PADI3: variants seen among roughly 807,000 people sequenced by gnomAD.
PADI3 encodes the protein protein-arginine deiminase type-3.
In PADI3, 53 loss-of-function variants were observed where a neutral mutation model predicts 71.5. The observed-to-expected ratio is 0.74, with a 90% CI of 0.59 to 0.93. PADI3 has a LOEUF of 0.93. Ranked by LOEUF, PADI3 falls within the 40% of genes least tolerant of loss-of-function variation. PADI3 has a pLI of 0.00. For synonymous variants in PADI3, 361 were observed against 347.5 expected, an observed-to-expected ratio of 1.04 and a Z score of -0.43; for missense variants, 821 against 868.0, an observed-to-expected ratio of 0.95 and a Z score of 0.68.
In PADI3 at chr1:17,266,710, CA is replaced by C. The variant is rs1439915118; in HGVS notation, c.409-8del. 6.2e-7 allele frequency: 1 copy of C among 1,611,204 alleles called. No individual in the cohort carries two copies. The highest frequency in any genetic ancestry group is 8.5e-7 in the Non-Finnish European group (1 of 1,177,470). ...GCCCTCATCACTGGCTATGTTTTGT[CA>C]TTGGCAGCGGCAGTGGGTCTGGGGG... On this transcript the variant is annotated splice_region_variant and splice_polypyrimidine_tract_variant and intron_variant, in intron 4 of 15. Coordinates refer to ENST00000375460, the MANE Select transcript of PADI3 (RefSeq NM_016233.2).
At chr1:17,280,517 C>A in intron 14 of PADI3, 88 bp downstream of exon 14, 1 of 1,484,972 alleles carries the variant, frequency 6.7e-7, no homozygotes, top group Non-Finnish European at 9.4e-7. Context: ...CTGAGGCTAA[C>A]TGTTCATGAA....
chr1:17,267,090 A>C (rs865848648), intron 5 of PADI3, among the ~76,000 whole-genome samples: 1 of 152,272 alleles, frequency 6.6e-6, no homozygotes, highest in Middle Eastern at 3.4e-3. Context: ...CTCTTCCTCC[A>C]GGGGAGCAGA....
At position 17,283,355 on chromosome 1, in the gene PADI3, T is replaced by C. The variant is rs139600205; in HGVS notation, c.*276T>C. 25 of 403,524 alleles carry C rather than the reference T, an allele frequency of 6.2e-5. No individual in the cohort carries two copies. Among genetic ancestry groups the C allele is most frequent in the African/African-American group, 4.8e-4 (24 of 49,656 alleles). The allele number at this position is 403,524 out of a possible 1,614,324, so 25.0% of individuals were successfully genotyped here. A position where few individuals can be genotyped will look rare whatever the true frequency, so the allele number is the denominator to read the frequency against. On this transcript the variant is annotated 3_prime_UTR_variant, in exon 16 of 16. Coordinates refer to ENST00000375460, the MANE Select transcript of PADI3 (RefSeq NM_016233.2). ...TGATTCAACACAACCCATGGAGATGTCCCCTTCTCACTCTGAAATCATCCA... is the reference window on the plus strand; with the variant it reads ...TGATTCAACACAACCCATGGAGATGCCCCCTTCTCACTCTGAAATCATCCA...
chr1:17,249,388 T>C (rs964557003), intron 1 of PADI3, among the ~76,000 whole-genome samples, 159 bp downstream of exon 1: 5 of 152,164 alleles, frequency 3.3e-5, no homozygotes, highest in African/African-American at 9.7e-5. Flanking sequence ...CTTGCTCTAC[T>C]GAGTTTCCTG....
intron 6 of PADI3, among the ~76,000 whole-genome samples, chr1:17,269,149 T>C (rs2073211873): frequency 6.6e-6 from 1 of 151,974 alleles, no homozygotes; most frequent in Non-Finnish European, 1.5e-5. Flanking sequence ...CCTCTCAAAG[T>C]ACTAGGATTA....
intron 1 of PADI3, among the ~76,000 whole-genome samples, chr1:17,252,612 C>G (rs762158427): frequency 1.3e-5 from 2 of 152,058 alleles, no homozygotes; most frequent in Non-Finnish European, 2.9e-5. Flanking sequence ...CCATGTTGCC[C>G]GGGCTGGTCT....
chr1:17,282,318 C>A (rs1455908547), intron 15 of PADI3, among the ~76,000 whole-genome samples: 1 of 152,152 alleles, frequency 6.6e-6, no homozygotes, highest in Non-Finnish European at 1.5e-5. Flanking sequence ...ATCATTCATT[C>A]TCTCTCTTTC....
intron 1 of PADI3, among the ~76,000 whole-genome samples, chr1:17,253,225 C>T (rs371851971): frequency 6.6e-6 from 1 of 152,160 alleles, no homozygotes; most frequent in South Asian, 2.1e-4. Flanking sequence ...CTAAGGGCCC[C>T]AGAGCTCCAG....
At chr1:17,252,587 A>G (rs888111971) in intron 1 of PADI3, among the ~76,000 whole-genome samples, 1 of 151,972 alleles carries the variant, frequency 6.6e-6, no homozygotes, top group Non-Finnish European at 1.5e-5. Context: ...CATGTTTTGT[A>G]GAGATGGGGT....
rs753698907 is a variant in PADI3, at chr1:17,267,939, G to T, written c.629G>T (p.Arg210Leu). 1.2e-6 allele frequency: 2 copies of T among 1,614,038 alleles called. No homozygotes were observed. Among genetic ancestry groups the T allele is most frequent in the African/African-American group, 2.7e-5 (2 of 74,948 alleles). Residue 210 changes from arginine to leucine, a missense_variant, in exon 6 of 16, where the codon CGG becomes CTG. Arg to Leu is a moderately radical substitution (Grantham distance 102). Coordinates refer to ENST00000375460, the MANE Select transcript of PADI3 (RefSeq NM_016233.2). ...CATACCTCCAGCTATGATGCCAAAC[G>T]GGCACAGGTCTTCCACATCTGCGGT... ...VLHTSSYDAK[R>L]AQVFHICGPE...
intron 3 of PADI3, 124 bp downstream of exon 3, chr1:17,262,329 A>C: frequency 1.5e-6 from 1 of 662,912 alleles, no homozygotes. Flanking sequence ...AGTTCCCCAA[A>C]CCCAGCATTT....
chr1:17,276,559 C>G lies in PADI3; in HGVS notation c.1348C>G (p.Leu450Val). Residue 450 changes from leucine to valine, a missense_variant, in exon 12 of 16, where the codon CTC becomes GTC. Physicochemically the swap from Leu to Val is conservative, Grantham distance 32. Coordinates refer to ENST00000375460, the MANE Select transcript of PADI3 (RefSeq NM_016233.2). ...RRVTQVVRDFLHAQKVQPPVE... is the reference protein window; with the variant it reads ...RRVTQVVRDFVHAQKVQPPVE... Reference sequence around the variant, plus strand: ...GGTCACCCAGGTGGTGCGGGACTTCCTCCATGCCCAGAAGGTGCAGCCCCC... The same window carrying G: ...GGTCACCCAGGTGGTGCGGGACTTCGTCCATGCCCAGAAGGTGCAGCCCCC... 6.2e-7 allele frequency: 1 copy of G among 1,614,196 alleles called. No homozygotes were observed. The highest frequency in any genetic ancestry group is 2.2e-5 in the East Asian group (1 of 44,874).
intron 2 of PADI3, among the ~76,000 whole-genome samples, 190 bp downstream of exon 2, chr1:17,259,948 A>C (rs1478581452): frequency 2.6e-5 from 4 of 152,206 alleles, no homozygotes; most frequent in African/African-American, 9.7e-5. Context: ...GTCCTTGGAA[A>C]GCCTTATCAT....
At chr1:17,266,608 TG>T in intron 4 of PADI3, 110 bp from the exon 5 acceptor site, 1 of 820,904 alleles carries the variant, frequency 1.2e-6, no homozygotes, top group Non-Finnish European at 2.1e-6. Flanking sequence ...TTCGAGAACG[TG>T]GACCTAGCCT....
intron 13 of PADI3, 150 bp downstream of exon 13, chr1:17,277,026 C>G: frequency 1.5e-6 from 1 of 659,228 alleles, no homozygotes; most frequent in Non-Finnish European, 2.6e-6. Context: ...GCACACCTTG[C>G]TTCACCAGAC....
intron 13 of PADI3, among the ~76,000 whole-genome samples, chr1:17,278,757 G>A (rs1041467463): frequency 6.6e-6 from 1 of 151,914 alleles, no homozygotes; most frequent in African/African-American, 2.4e-5. Context: ...AGATTTTCTT[G>A]GTCCCATGGC....
At chr1:17,260,914 T>C (rs2073094860) in intron 2 of PADI3, among the ~76,000 whole-genome samples, 1 of 151,872 alleles carries the variant, frequency 6.6e-6, no homozygotes, top group South Asian at 2.1e-4. Flanking sequence ...TTGGCCATGA[T>C]GGCTGGTGGG....
chr1:17,281,012 G>A (rs1222708833), intron 15 of PADI3, among the ~76,000 whole-genome samples: 1 of 152,236 alleles, frequency 6.6e-6, no homozygotes, highest in African/African-American at 2.4e-5. Context: ...CCTGGCCCAA[G>A]GGGCATCAGG....
intron 13 of PADI3, among the ~76,000 whole-genome samples, chr1:17,279,846 T>C (rs1476674909): frequency 6.6e-6 from 1 of 152,190 alleles, no homozygotes; most frequent in African/African-American, 2.4e-5. Context: ...ACCATCAGGC[T>C]GAGAAAATCT....
Sources: gnomAD v4.1 joint callset for allele counts (sites outside exome capture counted in the v4.1 genomes callset) on GRCh38, gnomAD v4.1.1 for gene constraint, MANE v1.5 for transcripts, NCBI Gene and HGNC (gene_info 2026-07-23, HGNC 2026-07-21) for gene names.